Variants in MARCHF1 observed in about 807,000 individuals in gnomAD.
MARCHF1 encodes the protein E3 ubiquitin-protein ligase MARCHF1.
Under a neutral mutation model 54.2 loss-of-function variants are expected in MARCHF1, and 40 were observed. That is an observed-to-expected ratio of 0.74 (90% confidence interval 0.57 to 0.96). The LOEUF is 0.96. Among genes scored for constraint, MARCHF1 ranks in the 40% least tolerant of loss-of-function variants. The pLI, the probability that MARCHF1 is intolerant of heterozygous loss-of-function variation, is 0.00. For synonymous variants in MARCHF1, 236 were observed against 236.3 expected, an observed-to-expected ratio of 1.00 and a Z score of 0.01; for missense variants, 586 against 656.5, an observed-to-expected ratio of 0.89 and a Z score of 1.17.
intron 1 of MARCHF1, among the ~76,000 whole-genome samples, chr4:164,271,026 A>G (rs932091961): frequency 3.7e-4 from 56 of 152,316 alleles, no homozygotes; most frequent in African/African-American, 1.2e-3. Context: ...AGACTAGTGG[A>G]ATAAAATAAA....
intron 1 of MARCHF1, among the ~76,000 whole-genome samples, chr4:164,235,985 G>C (rs561031596): frequency 2.0e-5 from 3 of 152,086 alleles, no homozygotes; most frequent in Non-Finnish European, 4.4e-5. Context: ...GCATTGCTTA[G>C]GTGTTTGCGT....
intron 2 of MARCHF1, among the ~76,000 whole-genome samples, chr4:164,014,652 T>C (rs1051130825): frequency 3.3e-5 from 5 of 152,192 alleles, no homozygotes; most frequent in African/African-American, 1.2e-4. Flanking sequence ...AGAAACTCAC[T>C]TCACCTATAA....
chr4:163,556,553 T>TA (rs898083307), intron 8 of MARCHF1, among the ~76,000 whole-genome samples: 2 of 59,188 alleles, frequency 3.4e-5, no homozygotes, highest in Non-Finnish European at 1.2e-4. Context: ...ATTGAGTTGA[T>TA]TTTTTTTTTT....
chr4:164,381,508 A>G (rs1288751763), intron 1 of MARCHF1, among the ~76,000 whole-genome samples: 1 of 152,174 alleles, frequency 6.6e-6, no homozygotes, highest in African/African-American at 2.4e-5. Flanking sequence ...TGTTCTTCTC[A>G]ATATACATTT....
intron 2 of MARCHF1, among the ~76,000 whole-genome samples, chr4:164,041,878 T>C (rs1349767910): frequency 1.3e-5 from 2 of 152,174 alleles, no homozygotes; most frequent in Admixed American, 1.3e-4. Context: ...CATAGAACAC[T>C]AAGTAATCTC....
At chr4:164,177,212 C>T (rs574803865) in intron 1 of MARCHF1, among the ~76,000 whole-genome samples, 8 of 151,682 alleles carry the variant, frequency 5.3e-5, no homozygotes, top group South Asian at 2.1e-4. Context: ...CACATAGAAA[C>T]GGCTCATAAA....
At chr4:164,290,038 C>T (rs1734249217) in intron 1 of MARCHF1, among the ~76,000 whole-genome samples, 1 of 152,072 alleles carries the variant, frequency 6.6e-6, no homozygotes, top group African/African-American at 2.4e-5. Context: ...CACACATACA[C>T]ACACACAGAC....
chr4:164,078,537 A>T (rs939762610), intron 2 of MARCHF1, among the ~76,000 whole-genome samples: 7 of 151,540 alleles, frequency 4.6e-5, no homozygotes, highest in African/African-American at 1.5e-4. Context: ...TAAATAAATA[A>T]TTTTTTTTTA....
chr4:163,986,552 A>G (rs61478563), intron 3 of MARCHF1, among the ~76,000 whole-genome samples: 6,869 of 152,098 alleles, frequency 0.045, 411 homozygotes, highest in East Asian at 0.14. Context: ...GGCGTGAGCC[A>G]CGGCACCCGG....
intron 5 of MARCHF1, among the ~76,000 whole-genome samples, chr4:163,690,448 T>C (rs1297402056): frequency 6.6e-6 from 1 of 152,054 alleles, no homozygotes. Context: ...TAGTTAAAGG[T>C]AGAGTTGAAA....
rs560076535 is a variant in MARCHF1, at chr4:164,305,868, T to C, written c.-323+78002A>G. On this transcript the variant is annotated intron_variant, in intron 1 of 9. Coordinates refer to ENST00000514618, the MANE Select transcript of MARCHF1 (RefSeq NM_001394959.1). ...ACGCATGTATTGACATATCACTCTG[T>C]GTCCCCAAAATATGTAAAATTATTA... Among the ~76,000 whole-genome samples, 3 of 152,246 alleles carry C rather than the reference T, an allele frequency of 2.0e-5. 1 individual carries two copies. Among genetic ancestry groups the C allele is most frequent in the South Asian group, 4.1e-4 (2 of 4,830 alleles).
intron 5 of MARCHF1, among the ~76,000 whole-genome samples, chr4:163,664,460 C>T (rs1040188862): frequency 1.3e-5 from 2 of 151,954 alleles, no homozygotes; most frequent in Non-Finnish European, 2.9e-5. Context: ...AGAGATGAAA[C>T]TTAAAATGTT....
chr4:163,670,573 C>T (rs922586574), intron 5 of MARCHF1, among the ~76,000 whole-genome samples: 7 of 151,276 alleles, frequency 4.6e-5, no homozygotes, highest in African/African-American at 1.5e-4. Flanking sequence ...TGCCTTCTTG[C>T]TTTCTTTTCT....
intron 4 of MARCHF1, among the ~76,000 whole-genome samples, chr4:163,725,850 A>G (rs971842375): frequency 1.3e-5 from 2 of 152,244 alleles, no homozygotes; most frequent in African/African-American, 4.8e-5. Flanking sequence ...TTAGCCTAAC[A>G]TACAGTTAAT....
chr4:164,014,484 G>A (rs1436044743), intron 2 of MARCHF1, among the ~76,000 whole-genome samples: 1 of 151,998 alleles, frequency 6.6e-6, no homozygotes, highest in East Asian at 1.9e-4. Flanking sequence ...AAGGAAGGAA[G>A]AGAGGAACAC....
At position 163,529,103 on chromosome 4, in the gene MARCHF1, A is replaced by ATTTTTT. The variant is rs3839198; in HGVS notation, c.1340-63_1340-58dup. 66 of 1,219,148 alleles carry ATTTTTT rather than the reference A, an allele frequency of 5.4e-5. No homozygotes were observed. The Middle Eastern group carries it at 6.0e-4, about 11-fold the overall frequency. 75.5% of individuals were successfully genotyped at this position (1,219,148 alleles called of 1,614,324 possible). A position where few individuals can be genotyped will look rare whatever the true frequency, so the allele number is the denominator to read the frequency against. Reference sequence around the variant, plus strand: ...CAAGTTGTCCTCAGTGGATTTGGTCATTTTTTTTTTCTATGACCCTTCAAA... The same window carrying ATTTTTT: ...CAAGTTGTCCTCAGTGGATTTGGTCATTTTTTTTTTTTTTTTCTATGACCCTTCAAA... On this transcript the variant is annotated intron_variant, in intron 9 of 9. Coordinates refer to ENST00000514618, the MANE Select transcript of MARCHF1 (RefSeq NM_001394959.1).
intron 7 of MARCHF1, among the ~76,000 whole-genome samples, chr4:163,610,370 T>G (rs1393768259): frequency 6.6e-6 from 1 of 152,122 alleles, no homozygotes; most frequent in Non-Finnish European, 1.5e-5. Context: ...AAATAATACC[T>G]ATTGGCTCAT....
rs189487834 is a variant in MARCHF1, at chr4:163,853,119, T to C, written c.111+902A>G. Among the ~76,000 whole-genome samples the C allele has an allele frequency of 2.6e-5, 4 of 152,294 alleles. No homozygotes were observed. The East Asian group carries it at 7.7e-4, about 29-fold the overall frequency. On this transcript the variant is annotated intron_variant, in intron 4 of 9. Coordinates refer to ENST00000514618, the MANE Select transcript of MARCHF1 (RefSeq NM_001394959.1). ...TTGTTTTTTATAAGTTACCAGTTTATGGTATTTTGTAATAGCAGCCCAAAC... is the reference window on the plus strand; with the variant it reads ...TTGTTTTTTATAAGTTACCAGTTTACGGTATTTTGTAATAGCAGCCCAAAC...
intron 1 of MARCHF1, among the ~76,000 whole-genome samples, chr4:164,351,423 G>A (rs1310750855): frequency 1.3e-5 from 2 of 150,568 alleles, no homozygotes; most frequent in Non-Finnish European, 3.0e-5. Context: ...CTGAGAATGG[G>A]CAGACTGCCT....
Sources: gnomAD v4.1 joint callset for allele counts (sites outside exome capture counted in the v4.1 genomes callset) on GRCh38, gnomAD v4.1.1 for gene constraint, MANE v1.5 for transcripts, NCBI Gene and HGNC (gene_info 2026-07-23, HGNC 2026-07-21) for gene names.